Variants in TFB1M observed in about 807,000 individuals in gnomAD.
The protein encoded by TFB1M is transcription factor B1, mitochondrial.
In TFB1M, 27 loss-of-function variants were observed where a neutral mutation model predicts 31.1. The observed-to-expected ratio is 0.87, with a 90% CI of 0.64 to 1.20. The LOEUF is 1.20. Among genes scored for constraint, TFB1M ranks in the 50% most tolerant of loss-of-function variants. The probability of loss-of-function intolerance (pLI) is 0.00; values close to 1 mark genes in which losing one functional copy is unlikely to be tolerated. For missense variants in TFB1M, 394 were observed against 418.7 expected, an observed-to-expected ratio of 0.94 and a Z score of 0.51; for synonymous variants, 166 against 151.8, an observed-to-expected ratio of 1.09 and a Z score of -0.69.
chr6:155,313,366 G>C (rs983303783), intron 1 of TFB1M: 1 of 152,150 alleles, frequency 6.6e-6, no homozygotes, highest in Non-Finnish European at 1.5e-5. Flanking sequence ...ATGTTTTCTG[G>C]AGTGTGCTTC....
intron 5 of TFB1M, among the ~76,000 whole-genome samples, chr6:155,280,118 T>C (rs1329118558): frequency 6.6e-6 from 1 of 152,174 alleles, no homozygotes; most frequent in Non-Finnish European, 1.5e-5. Context: ...GGTTGAAGCA[T>C]GCTAAAGCAA....
At chr6:155,275,567 G>A (rs1785149540) in intron 5 of TFB1M, 3 of 736,782 alleles carry the variant, frequency 4.1e-6, no homozygotes, top group Admixed American at 4.7e-5. Flanking sequence ...GAAGCCTTTT[G>A]TTTACTTACT....
chr6:155,272,294 T>C (rs1331373889), intron 5 of TFB1M, among the ~76,000 whole-genome samples: 1 of 152,242 alleles, frequency 6.6e-6, no homozygotes, highest in Non-Finnish European at 1.5e-5. Flanking sequence ...TGCTTTTAAA[T>C]ATTATTTTTG....
chr6:155,250,705 C>T, the TFB1M span: 2 of 1,309,364 alleles, frequency 1.5e-6, no homozygotes, highest in Non-Finnish European at 2.1e-6. Flanking sequence ...AAAATGCCTT[C>T]ACCTTTATGT....
intron 5 of TFB1M, among the ~76,000 whole-genome samples, chr6:155,283,012 T>C (rs324352): frequency 0.71 from 108,075 of 152,050 alleles, 38,796 homozygotes; most frequent in East Asian, 0.98. Flanking sequence ...CAGGCATGAG[T>C]CACTGTGCCC....
chr6:155,304,056 G>C (rs1389946184), intron 2 of TFB1M, among the ~76,000 whole-genome samples: 1 of 152,238 alleles, frequency 6.6e-6, no homozygotes. Flanking sequence ...CAAGGCAGGT[G>C]AATCACCTGA....
At chr6:155,271,610 A>T (rs1784919233) in intron 5 of TFB1M, among the ~76,000 whole-genome samples, 1 of 152,208 alleles carries the variant, frequency 6.6e-6, no homozygotes, top group South Asian at 2.1e-4. Flanking sequence ...CAATTTTATG[A>T]ATTCAGGTTC....
intron 2 of TFB1M, among the ~76,000 whole-genome samples, chr6:155,300,915 T>C (rs1369960394): frequency 6.6e-6 from 1 of 152,100 alleles, no homozygotes; most frequent in East Asian, 1.9e-4. Context: ...GGCAATTCTC[T>C]TGCCTCAGCT....
chr6:155,286,198 A>C (rs1015252055), intron 4 of TFB1M, among the ~76,000 whole-genome samples: 1 of 152,176 alleles, frequency 6.6e-6, no homozygotes, highest in Non-Finnish European at 1.5e-5. Flanking sequence ...CCATAGGAGA[A>C]AACAGTAGGT....
intron 4 of TFB1M, among the ~76,000 whole-genome samples, chr6:155,288,003 T>C (rs1369072558): frequency 1.3e-5 from 2 of 152,232 alleles, no homozygotes; most frequent in Non-Finnish European, 2.9e-5. Context: ...CTGCTGGGTT[T>C]GCTCTTTCCC....
In TFB1M at chr6:155,256,802, G is replaced by A. The variant is rs748792324; in HGVS notation, c.*1034C>T. On this transcript the variant is annotated 3_prime_UTR_variant, in exon 7 of 7. Coordinates refer to ENST00000367166, the MANE Select transcript of TFB1M (RefSeq NM_016020.4). ...ATCGAAATTCAGTTCCAGAGACTGA[G>A]GATTTCCGAGGACCCAGACGTTCAC... 2.5e-6 allele frequency: 4 copies of A among 1,614,212 alleles called. No homozygotes were observed. The South Asian group carries it at 3.3e-5, about 13-fold the overall frequency.
At position 155,298,593 on chromosome 6, in the gene TFB1M, A is replaced by G. The variant is rs775515313; in HGVS notation, c.286-8T>C. 1.6e-5 allele frequency: 25 copies of G among 1,580,568 alleles called. No homozygotes were observed. The highest frequency in any genetic ancestry group is 2.6e-6 in the Non-Finnish European group (3 of 1,149,900). ...TGCTGCATCAGAAAGCATCTAGTTT[A>G]TAAAAAGATCAGTAAAATGAGCTCA... is the stretch of plus-strand genomic sequence containing the variant. On this transcript the variant is annotated splice_region_variant and splice_polypyrimidine_tract_variant and intron_variant, in intron 2 of 6. Transcript: ENST00000367166.
chr6:155,254,555 C>T, downstream of TFB1M: 1 of 1,611,616 alleles, frequency 6.2e-7, no homozygotes, highest in East Asian at 2.2e-5. Flanking sequence ...GAACCGAGTT[C>T]CTGTTTCGGC....
At chr6:155,264,421 G>T (rs1414809242) in intron 5 of TFB1M, 1 of 152,198 alleles carries the variant, frequency 6.6e-6, no homozygotes, top group Non-Finnish European at 1.5e-5. Flanking sequence ...CACTCTACCT[G>T]TGATCCATGT....
At chr6:155,286,121 G>A (rs946216804) in intron 4 of TFB1M, among the ~76,000 whole-genome samples, 1 of 152,030 alleles carries the variant, frequency 6.6e-6, no homozygotes, top group Non-Finnish European at 1.5e-5. Context: ...CACGATAGAT[G>A]CGATGTAGCA....
the TFB1M span, among the ~76,000 whole-genome samples, chr6:155,242,980 T>C: frequency 6.6e-6 from 1 of 151,536 alleles, no homozygotes; most frequent in Admixed American, 6.6e-5. Context: ...TGACCTCAGG[T>C]GATCCACCCG....
At chr6:155,229,953 C>T in the TFB1M span, among the ~76,000 whole-genome samples, 1 of 152,094 alleles carries the variant, frequency 6.6e-6, no homozygotes, top group African/African-American at 2.4e-5. Context: ...TGGGAGAAAC[C>T]CACCCCCATG....
chr6:155,304,070 C>T (rs933605428), intron 2 of TFB1M, among the ~76,000 whole-genome samples: 2 of 152,068 alleles, frequency 1.3e-5, no homozygotes, highest in Admixed American at 6.6e-5. Flanking sequence ...CACCTGAGTT[C>T]AGGAGTTCGA....
At chr6:155,290,333 C>G (rs948618996) in intron 4 of TFB1M, among the ~76,000 whole-genome samples, 1 of 145,760 alleles carries the variant, frequency 6.9e-6, no homozygotes, top group Admixed American at 7.1e-5. Context: ...TTGCAGCGAG[C>G]CGAGATGGCA....
Sources: gnomAD v4.1 joint callset for allele counts (sites outside exome capture counted in the v4.1 genomes callset) on GRCh38, gnomAD v4.1.1 for gene constraint, MANE v1.5 for transcripts, NCBI Gene and HGNC (gene_info 2026-07-23, HGNC 2026-07-21) for gene names.